The following FSTL5 variants were observed in gnomAD, a reference collection of about 807,000 sequenced individuals.
The protein encoded by FSTL5 is follistatin like 5.
Under a neutral mutation model 89.1 loss-of-function variants are expected in FSTL5, and 62 were observed. The ratio of observed to expected loss-of-function variants is 0.70; its 90% CI spans 0.57 to 0.86. The LOEUF (loss-of-function observed/expected upper bound fraction) is 0.86. Among genes scored for constraint, FSTL5 ranks in the 40% least tolerant of loss-of-function variants. The pLI, the probability that FSTL5 is intolerant of heterozygous loss-of-function variation, is 0.00. For missense variants in FSTL5, 1,057 were observed against 1,001.6 expected, an observed-to-expected ratio of 1.06 and a Z score of -0.75; for synonymous variants, 383 against 346.2, an observed-to-expected ratio of 1.11 and a Z score of -1.18.
chr4:161,932,261 T>C (rs1032198396), intron 3 of FSTL5, among the ~76,000 whole-genome samples: 2 of 152,012 alleles, frequency 1.3e-5, no homozygotes, highest in Non-Finnish European at 1.5e-5. Context: ...CAATCTGTTG[T>C]GATGGTTCTC....
intron 5 of FSTL5, among the ~76,000 whole-genome samples, chr4:161,761,702 T>C (rs1321990641): frequency 6.6e-6 from 1 of 152,232 alleles, no homozygotes; most frequent in Non-Finnish European, 1.5e-5. Flanking sequence ...GTCATGATGA[T>C]ACAACTTAAG....
At chr4:161,847,094 C>T (rs1289773108) in intron 4 of FSTL5, among the ~76,000 whole-genome samples, 1 of 151,958 alleles carries the variant, frequency 6.6e-6, no homozygotes, top group East Asian at 1.9e-4. Flanking sequence ...AAAATAAATA[C>T]TATTTAATGT....
intron 6 of FSTL5, among the ~76,000 whole-genome samples, chr4:161,707,289 T>C (rs1389858618): frequency 6.6e-6 from 1 of 151,878 alleles, no homozygotes; most frequent in East Asian, 1.9e-4. Flanking sequence ...TATAGTTTCT[T>C]GGACAAATTC....
chr4:161,465,059 T>C (rs1733705498), intron 13 of FSTL5, among the ~76,000 whole-genome samples: 2 of 152,198 alleles, frequency 1.3e-5, no homozygotes, highest in African/African-American at 4.8e-5. Flanking sequence ...TGCCTTCATA[T>C]TGTAAAATTC....
chr4:162,080,985 A>G (rs1330046278), intron 2 of FSTL5, among the ~76,000 whole-genome samples: 6 of 151,672 alleles, frequency 4.0e-5, no homozygotes, highest in African/African-American at 1.4e-4. Context: ...TTATTCTCTA[A>G]GGATTTATTT....
At chr4:161,422,099 A>G (rs1161968594) in intron 15 of FSTL5, among the ~76,000 whole-genome samples, 1 of 146,206 alleles carries the variant, frequency 6.8e-6, no homozygotes, top group Non-Finnish European at 1.5e-5. Context: ...GAGATTTATT[A>G]TGTATATTAT....
At chr4:161,722,710 C>T (rs538489200) in intron 6 of FSTL5, among the ~76,000 whole-genome samples, 235 of 152,186 alleles carry the variant, frequency 1.5e-3, no homozygotes, top group Non-Finnish European at 2.5e-3. Flanking sequence ...CTTTTATTCC[C>T]TTAAATACAT....
chr4:161,881,903 T>C (rs1049656278), intron 4 of FSTL5, among the ~76,000 whole-genome samples: 1 of 152,100 alleles, frequency 6.6e-6, no homozygotes. Flanking sequence ...CTTTCTTAAA[T>C]GTTAATTAGC....
At chr4:161,415,821 GATATAT>G (rs60018441) in intron 15 of FSTL5, among the ~76,000 whole-genome samples, 24,102 of 139,580 alleles carry the variant, frequency 0.17, 2,098 homozygotes, top group Middle Eastern at 0.21. Context: ...ACATATAGGG[GATATAT>G]ATATATATAT....
intron 3 of FSTL5, among the ~76,000 whole-genome samples, chr4:162,001,296 A>G (rs13140618): frequency 0.023 from 3,569 of 152,008 alleles, 55 homozygotes; most frequent in Non-Finnish European, 0.037. Flanking sequence ...TCATATACCT[A>G]TATCTATCTG....
At chr4:161,924,588 A>T (rs2110874914) in intron 3 of FSTL5, among the ~76,000 whole-genome samples, 1 of 151,864 alleles carries the variant, frequency 6.6e-6, no homozygotes, top group African/African-American at 2.4e-5. Flanking sequence ...ATGCTTAAGT[A>T]GAGAGACTAA....
At chr4:161,554,858 G>T (rs1732335349) in intron 8 of FSTL5, among the ~76,000 whole-genome samples, 1 of 151,604 alleles carries the variant, frequency 6.6e-6, no homozygotes, top group Non-Finnish European at 1.5e-5. Context: ...TGTCATTAAA[G>T]CAACTTTCCT....
At chr4:161,525,073 A>G (rs1438039818) in intron 10 of FSTL5, among the ~76,000 whole-genome samples, 2 of 152,124 alleles carry the variant, frequency 1.3e-5, no homozygotes, top group African/African-American at 2.4e-5. Flanking sequence ...TTACCTCAAT[A>G]GAGACTACTT....
chr4:161,531,379 G>T (rs1046664778), intron 10 of FSTL5, among the ~76,000 whole-genome samples: 20 of 152,242 alleles, frequency 1.3e-4, no homozygotes, highest in Middle Eastern at 3.4e-3. Context: ...GTAGAAAATA[G>T]CTGGATGATT....
In FSTL5 at chr4:161,419,103, G is replaced by A. The variant is rs967225594; in HGVS notation, c.1842-32654C>T. ...CAATCTATTTCATGTAGAGCTTCCA[G>A]GATAACCTATAATACACACATACTC... On this transcript the variant is annotated intron_variant, in intron 15 of 15. Coordinates refer to ENST00000306100, the MANE Select transcript of FSTL5 (RefSeq NM_020116.5). 2.6e-5 allele frequency among the ~76,000 whole-genome samples: 4 copies of A among 152,074 alleles called. No individual in the cohort carries two copies. The South Asian group carries it at 8.3e-4, about 32-fold the overall frequency.
At chr4:161,695,093 A>C (rs1395853884) in intron 6 of FSTL5, among the ~76,000 whole-genome samples, 1 of 151,536 alleles carries the variant, frequency 6.6e-6, no homozygotes, top group Non-Finnish European at 1.5e-5. Context: ...CGGGGAATAG[A>C]TGGTGTTTGG....
chr4:162,021,353 C>T (rs957027608), intron 3 of FSTL5, among the ~76,000 whole-genome samples: 6 of 152,082 alleles, frequency 3.9e-5, no homozygotes, highest in Non-Finnish European at 5.9e-5. Flanking sequence ...TAGCTTCAAG[C>T]GTTTATTAAC....
At position 161,971,733 on chromosome 4, in the gene FSTL5, AGACTATGTG is replaced by A. The variant is rs1051747015; in HGVS notation, c.161-51090_161-51082del. On this transcript the variant is annotated intron_variant, in intron 3 of 15. Coordinates refer to ENST00000306100, the MANE Select transcript of FSTL5 (RefSeq NM_020116.5). ...ACATAATGCAAAAGACACTAGTTAT[AGACTATGTG>A]GACATATTAATTTCAATATATCCCC... Among the ~76,000 whole-genome samples the A allele has an allele frequency of 5.1e-4, 78 of 152,340 alleles. 1 individual carries two copies. Among genetic ancestry groups the A allele is most frequent in the Admixed American group, 4.2e-3 (65 of 15,296 alleles).
chr4:161,771,922 A>G (rs371532085), intron 5 of FSTL5, among the ~76,000 whole-genome samples: 84 of 152,294 alleles, frequency 5.5e-4, no homozygotes, highest in Middle Eastern at 3.4e-3. Flanking sequence ...GCAATTATGG[A>G]CAATTCTGTT....
Sources: allele counts gnomAD v4.1 joint callset (sites outside exome capture counted in the v4.1 genomes callset), GRCh38; gene constraint gnomAD v4.1.1; transcripts MANE v1.5; gene names NCBI Gene and HGNC (gene_info 2026-07-23, HGNC 2026-07-21).